Variants in ACOT7 observed in about 807,000 individuals in gnomAD.
ACOT7 encodes the protein cytosolic acyl coenzyme A thioester hydrolase.
Under a neutral mutation model 40.2 loss-of-function variants are expected in ACOT7, and 12 were observed. The ratio of observed to expected loss-of-function variants is 0.30; its 90% confidence interval spans 0.19 to 0.48. ACOT7 has a LOEUF of 0.48. ACOT7 is among the 20% of genes least tolerant of loss of function. The pLI, the probability that ACOT7 is intolerant of heterozygous loss-of-function variation, is 0.99. For synonymous variants in ACOT7, 228 were observed against 219.5 expected (o/e 1.04, Z -0.34); for missense variants, 395 against 530.8 (o/e 0.74, Z 2.51).
rs41278926 is a variant in ACOT7, at chr1:6,282,735, C to T, written c.830-1449G>A. Reference sequence around the variant, plus strand: ...AACTTCATACTTACAGGGAGCACTTCGTGCCAGTGCTGGGAGAGGAGGAAG... The same window carrying T: ...AACTTCATACTTACAGGGAGCACTTTGTGCCAGTGCTGGGAGAGGAGGAAG... On this transcript the variant is annotated intron_variant, in intron 7 of 8. Coordinates refer to ENST00000361521, the MANE Select transcript of ACOT7 (RefSeq NM_007274.4). This position sits in a 1 kb window ranked among gnomAD's most constrained non-coding sequence, Gnocchi z 4.5. 6.3e-3 allele frequency: 8,207 copies of T among 1,304,098 alleles called. 37 individuals are homozygous for T. The highest frequency in any genetic ancestry group is 0.012 in the Middle Eastern group (55 of 4,696). The allele number at this position is 1,304,098 out of a possible 1,614,324, so 80.8% of individuals were successfully genotyped here. A position where few individuals can be genotyped will look rare whatever the true frequency, so the allele number is the denominator to read the frequency against.
chr1:6,335,408 G>A lies in ACOT7; in HGVS notation c.419-1840C>T, dbSNP rs984443119. Among the ~76,000 whole-genome samples the A allele has an allele frequency of 4.0e-5, 6 of 151,660 alleles. No homozygotes were observed. In the East Asian group the frequency reaches 7.8e-4, roughly 20 times the overall value. On this transcript the variant is annotated intron_variant, in intron 3 of 8. Transcript: ENST00000361521. Reference sequence around the variant, plus strand: ...TCCCAAAGGCTGAGATAGGAGGATCGCTTGAGCCCGGAAGGCAGAGATTAC... The same window carrying A: ...TCCCAAAGGCTGAGATAGGAGGATCACTTGAGCCCGGAAGGCAGAGATTAC...
At chr1:6,377,381 T>C (rs1294782950) in intron 1 of ACOT7, among the ~76,000 whole-genome samples, 1 of 151,880 alleles carries the variant, frequency 6.6e-6, no homozygotes, top group African/African-American at 2.4e-5. Flanking sequence ...ATTTAAATAA[T>C]AAAAAAATAC....
At chr1:6,280,479 C>A (rs1007940674) in intron 8 of ACOT7, among the ~76,000 whole-genome samples, 1 of 152,238 alleles carries the variant, frequency 6.6e-6, no homozygotes, top group African/African-American at 2.4e-5. Flanking sequence ...GATGTGGACA[C>A]CTGGGGGCAG....
chr1:6,375,969 C>T (rs1642223250), intron 1 of ACOT7, among the ~76,000 whole-genome samples: 1 of 141,164 alleles, frequency 7.1e-6, no homozygotes, highest in Admixed American at 7.2e-5. Flanking sequence ...TTAAATTAGC[C>T]AGGTGCTGGG....
At chr1:6,268,255 T>C (rs1638910689) in intron 8 of ACOT7, among the ~76,000 whole-genome samples, 1 of 152,116 alleles carries the variant, frequency 6.6e-6, no homozygotes, top group African/African-American at 2.4e-5. Context: ...GTAAAGCTGT[T>C]AAAAGAGAAA....
chr1:6,377,170 T>C (rs1642248364), intron 1 of ACOT7, among the ~76,000 whole-genome samples: 1 of 152,152 alleles, frequency 6.6e-6, no homozygotes, highest in South Asian at 2.1e-4. Flanking sequence ...GAAGACAGTT[T>C]GGCAGTTTTG....
intron 6 of ACOT7, among the ~76,000 whole-genome samples, chr1:6,302,243 C>T (rs1639993691): frequency 6.6e-6 from 1 of 152,142 alleles, no homozygotes; most frequent in African/African-American, 2.4e-5. Context: ...GGGCTCTGAG[C>T]TCCCAAAGGA....
At chr1:6,334,954 G>C (rs1467955390) in intron 3 of ACOT7, among the ~76,000 whole-genome samples, 1 of 152,210 alleles carries the variant, frequency 6.6e-6, no homozygotes, top group African/African-American at 2.4e-5. Flanking sequence ...GGGAGGCTGA[G>C]GTGGGTGGAT....
intron 5 of ACOT7, among the ~76,000 whole-genome samples, chr1:6,322,021 G>T (rs902014147): frequency 3.4e-5 from 5 of 148,120 alleles, no homozygotes; most frequent in Admixed American, 3.3e-4. Context: ...ACCCTGGCAG[G>T]CCCACGCTGA....
intron 6 of ACOT7, among the ~76,000 whole-genome samples, chr1:6,307,982 C>T (rs567078952): frequency 3.4e-4 from 50 of 147,694 alleles, no homozygotes; most frequent in African/African-American, 1.2e-3. Context: ...GAAACTGCAA[C>T]CAGGCAGAGG....
intron 7 of ACOT7, among the ~76,000 whole-genome samples, chr1:6,293,022 TG>T (rs1416034719): frequency 6.6e-6 from 1 of 151,762 alleles, no homozygotes; most frequent in African/African-American, 2.4e-5. Flanking sequence ...CCCGAGTAGC[TG>T]GGACTACAGG....
At position 6,294,817 on chromosome 1, in the gene ACOT7, C is replaced by T. The variant is rs1343523809; in HGVS notation, c.829+47G>A. 2 of 1,512,298 alleles carry T rather than the reference C, an allele frequency of 1.3e-6. No homozygotes were observed. The highest frequency in any genetic ancestry group is 1.8e-6 in the Non-Finnish European group (2 of 1,090,384). The allele number at this position is 1,512,298 out of a possible 1,614,324, so 93.7% of individuals were successfully genotyped here. A position where few individuals can be genotyped will look rare whatever the true frequency, so the allele number is the denominator to read the frequency against. ...AAACAAACTGGTGCAGGGACCCAAG[C>T]AGCCGAGGGCCACTGCCTCCCTCGT... On this transcript the variant is annotated intron_variant, in intron 7 of 8. Coordinates refer to ENST00000361521, the MANE Select transcript of ACOT7 (RefSeq NM_007274.4). The surrounding 1 kb of genome is among the most constrained non-coding windows in gnomAD (Gnocchi z 4.6).
intron 1 of ACOT7, among the ~76,000 whole-genome samples, chr1:6,366,053 C>T (rs1642003874): frequency 6.6e-6 from 1 of 151,812 alleles, no homozygotes; most frequent in African/African-American, 2.4e-5. Context: ...CGTCACCACG[C>T]CCAGCTAATT....
chr1:6,281,401 G>C lies in ACOT7; in HGVS notation c.830-115C>G, dbSNP rs1639356846. The C allele has an allele frequency of 3.6e-6, 3 of 837,514 alleles. No individual in the cohort carries two copies. The African/African-American group carries it at 4.9e-5, about 14-fold the overall frequency. 51.9% of individuals were successfully genotyped at this position (837,514 alleles called of 1,614,324 possible). The stretch of plus-strand genomic sequence containing the variant: ...CTTGGTTAGGGGAAGCAGTGGCTTG[G>C]CTGACTACCAGATGTTCAAATAACA... On this transcript the variant is annotated intron_variant, in intron 7 of 8. Transcript: ENST00000361521.
At chr1:6,360,657 T>C (rs1463870356) in intron 1 of ACOT7, 1 of 1,614,150 alleles carries the variant, frequency 6.2e-7, no homozygotes, top group South Asian at 1.1e-5. Context: ...GAGCATCGTC[T>C]CCCCACGTCT....
intron 1 of ACOT7, among the ~76,000 whole-genome samples, chr1:6,356,921 A>G (rs1457716791): frequency 6.7e-6 from 1 of 148,776 alleles, no homozygotes; most frequent in African/African-American, 2.5e-5. Context: ...TGTGTCTCAA[A>G]AAAAAAAAAA....
chr1:6,289,567 C>T lies in ACOT7; in HGVS notation c.829+5297G>A, dbSNP rs1999836. Among the ~76,000 whole-genome samples, 55,683 of 150,614 alleles carry T rather than the reference C, an allele frequency of 0.37. 15,138 individuals are homozygous for T. Among genetic ancestry groups the T allele is most frequent in the African/African-American group, 0.78 (32,188 of 41,352 alleles). The stretch of plus-strand genomic sequence containing the variant: ...TTTTTAAATTTTTGTAGAGATGGGG[C>T]CTCACCATGTTGCCCAGGCTGGTCT... On this transcript the variant is annotated intron_variant, in intron 7 of 8. Transcript: ENST00000361521. The surrounding 1 kb of genome is among the most constrained non-coding windows in gnomAD (Gnocchi z 4.6).
rs111727215 is a variant in ACOT7, at chr1:6,275,397, C to T, written c.1014+5705G>A. Among the ~76,000 whole-genome samples the T allele has an allele frequency of 5.2e-3, 791 of 152,232 alleles. 5 individuals are homozygous for T. Among genetic ancestry groups the T allele is most frequent in the African/African-American group, 0.018 (759 of 41,536 alleles). On this transcript the variant is annotated intron_variant, in intron 8 of 8. Transcript: ENST00000361521. The surrounding 1 kb of genome is among the most constrained non-coding windows in gnomAD (Gnocchi z 5.6). Reference sequence around the variant, plus strand: ...CGTTTTCCCTGAGTTCTTGGAACTCCCCTGGCTATGCATGAGGCAGCTCTG... The same window carrying T: ...CGTTTTCCCTGAGTTCTTGGAACTCTCCTGGCTATGCATGAGGCAGCTCTG...
chr1:6,354,745 C>G lies in ACOT7; in HGVS notation c.144-4879G>C, dbSNP rs1216593510. Among the ~76,000 whole-genome samples the G allele has an allele frequency of 4.0e-5, 3 of 75,686 alleles. No individual in the cohort carries two copies. The East Asian group carries it at 1.6e-3, about 40-fold the overall frequency. The allele number at this position is 75,686 out of a possible 152,430, so 49.7% of individuals were successfully genotyped here. A position where few individuals can be genotyped will look rare whatever the true frequency, so the allele number is the denominator to read the frequency against. Reference sequence around the variant, plus strand: ...CATGGCCTCTACACTGGCCTCTAGCCCCCCCATGGCCTCTACACTGGCCTC... The same window carrying G: ...CATGGCCTCTACACTGGCCTCTAGCGCCCCCATGGCCTCTACACTGGCCTC... On this transcript the variant is annotated intron_variant, in intron 1 of 8. Transcript: ENST00000361521.
Sources: allele counts gnomAD v4.1 joint callset (sites outside exome capture counted in the v4.1 genomes callset), GRCh38; gene constraint gnomAD v4.1.1; non-coding constraint Gnocchi (gnomAD v3.1); transcripts MANE v1.5; gene names NCBI Gene and HGNC (gene_info 2026-07-23, HGNC 2026-07-21).